Variants in RARB observed in about 807,000 individuals in gnomAD.
The protein encoded by RARB is HBV-activated protein.
A neutral mutation model predicts 51.9 loss-of-function variants in RARB; 17 were observed. That is an observed-to-expected ratio of 0.33 (90% confidence interval 0.22 to 0.49). The LOEUF is 0.49. Among genes scored for constraint, RARB ranks in the 20% least tolerant of loss-of-function variants. The pLI is 0.99. For synonymous variants in RARB, 215 were observed against 195.4 expected, an observed-to-expected ratio of 1.10 and a Z score of -0.84; for missense variants, 369 against 550.8, an observed-to-expected ratio of 0.67 and a Z score of 3.30.
intron 2 of RARB, among the ~76,000 whole-genome samples, chr3:25,056,903 CTG>C (rs749761785): frequency 2.4e-4 from 37 of 152,134 alleles, no homozygotes; most frequent in Middle Eastern, 3.4e-3. Flanking sequence ...TCGCTAAAGT[CTG>C]TGTAAATTGA....
At chr3:25,297,651 G>A (rs1404599598) in intron 5 of RARB, among the ~76,000 whole-genome samples, 7 of 151,936 alleles carry the variant, frequency 4.6e-5, no homozygotes, top group African/African-American at 7.2e-5. Flanking sequence ...CTTTATCAGC[G>A]TAATTATAGT....
At chr3:24,863,096 A>G (rs150669987) in intron 2 of RARB, among the ~76,000 whole-genome samples, 226 of 152,346 alleles carry the variant, frequency 1.5e-3, no homozygotes, top group African/African-American at 5.1e-3. Context: ...AAGAATAAGG[A>G]AAGAGGAGGC....
At chr3:24,933,987 T>C (rs952498169) in intron 2 of RARB, among the ~76,000 whole-genome samples, 2 of 152,220 alleles carry the variant, frequency 1.3e-5, no homozygotes, top group African/African-American at 4.8e-5. Context: ...TTTAATATCC[T>C]TAGAATCCTT....
chr3:25,056,304 G>A (rs975785776), intron 2 of RARB, among the ~76,000 whole-genome samples: 28 of 152,062 alleles, frequency 1.8e-4, no homozygotes, highest in African/African-American at 6.5e-4. Flanking sequence ...TCAGGGGAGG[G>A]AAAAGCTTCT....
intron 5 of RARB, among the ~76,000 whole-genome samples, chr3:25,277,856 T>C (rs573711910): frequency 6.6e-6 from 1 of 152,304 alleles, no homozygotes; most frequent in African/African-American, 2.4e-5. Context: ...GTCTTGTACC[T>C]CAGAAGACCA....
intron 3 of RARB, among the ~76,000 whole-genome samples, chr3:25,528,563 C>T (rs1698756550): frequency 6.6e-6 from 1 of 151,954 alleles, no homozygotes; most frequent in Admixed American, 6.5e-5. Flanking sequence ...GACTCCCCTC[C>T]TGCCATGTGA....
At chr3:25,544,376 C>T (rs565461810) in intron 3 of RARB, among the ~76,000 whole-genome samples, 1 of 152,194 alleles carries the variant, frequency 6.6e-6, no homozygotes, top group African/African-American at 2.4e-5. Context: ...TGTAAAATTT[C>T]AAAACAAAGA....
At chr3:25,501,354 G>T in intron 3 of RARB, 31 bp downstream of exon 3, 1 of 1,603,008 alleles carries the variant, frequency 6.2e-7, no homozygotes, top group African/African-American at 1.3e-5. Context: ...CTTTTTCCCT[G>T]TTTTCCTTAT....
chr3:25,199,034 G>A (rs900367992), intron 5 of RARB, among the ~76,000 whole-genome samples: 1 of 152,070 alleles, frequency 6.6e-6, no homozygotes, highest in African/African-American at 2.4e-5. Flanking sequence ...AAGATTTGGT[G>A]GCGACCTAAG....
chr3:25,301,446 T>G (rs1193311853), intron 5 of RARB, among the ~76,000 whole-genome samples: 1 of 94,434 alleles, frequency 1.1e-5, no homozygotes, highest in Admixed American at 9.8e-5. Flanking sequence ...GCTGGTGATA[T>G]AACCATGGCT....
At chr3:25,508,030 A>G (rs1410068198) in intron 3 of RARB, among the ~76,000 whole-genome samples, 1 of 152,188 alleles carries the variant, frequency 6.6e-6, no homozygotes, top group Admixed American at 6.5e-5. Flanking sequence ...CTTTGAGGTT[A>G]TGTTTATGTG....
intron 2 of RARB, among the ~76,000 whole-genome samples, chr3:24,956,098 G>T (rs1184150979): frequency 6.6e-6 from 1 of 152,126 alleles, no homozygotes; most frequent in East Asian, 1.9e-4. Context: ...AGAAAGATGA[G>T]AGAGAAACCT....
At chr3:25,144,832 C>A (rs1025295485) in intron 4 of RARB, among the ~76,000 whole-genome samples, 1 of 152,212 alleles carries the variant, frequency 6.6e-6, no homozygotes, top group East Asian at 1.9e-4. Context: ...ATGAACAATA[C>A]ATTCTTCAAT....
chr3:25,191,931 C>T (rs1279149341), intron 5 of RARB, among the ~76,000 whole-genome samples: 2 of 151,946 alleles, frequency 1.3e-5, no homozygotes, highest in Admixed American at 6.6e-5. Flanking sequence ...GCAGACGAGG[C>T]GGGGGTGTGG....
intron 2 of RARB, among the ~76,000 whole-genome samples, chr3:25,013,691 A>G (rs1347633893): frequency 6.6e-6 from 1 of 152,084 alleles, no homozygotes; most frequent in Non-Finnish European, 1.5e-5. Flanking sequence ...TAGCTTTGTT[A>G]AGTGGTACTG....
chr3:25,202,774 G>A (rs1390494991), intron 5 of RARB, among the ~76,000 whole-genome samples: 4 of 152,138 alleles, frequency 2.6e-5, no homozygotes, highest in African/African-American at 9.7e-5. Context: ...CTGAGTTCTA[G>A]TTTGATTGCA....
intron 5 of RARB, among the ~76,000 whole-genome samples, chr3:25,281,404 CT>C (rs747131457): frequency 4.2e-4 from 64 of 152,330 alleles, no homozygotes; most frequent in Non-Finnish European, 8.8e-4. Flanking sequence ...TATGACTTCA[CT>C]TTGGCTGGGG....
At chr3:25,376,240 T>C (rs537425026) in intron 5 of RARB, among the ~76,000 whole-genome samples, 1 of 152,298 alleles carries the variant, frequency 6.6e-6, no homozygotes, top group African/African-American at 2.4e-5. Context: ...CACCATGCTC[T>C]TACCTACCTG....
At chr3:25,548,873 A>T (rs2125665017) in intron 3 of RARB, among the ~76,000 whole-genome samples, 1 of 152,128 alleles carries the variant, frequency 6.6e-6, no homozygotes, top group South Asian at 2.1e-4. Context: ...GACATTATAG[A>T]TGTTTTAGGG....
Sources: allele counts gnomAD v4.1 joint callset (sites outside exome capture counted in the v4.1 genomes callset), GRCh38; gene constraint gnomAD v4.1.1; transcripts MANE v1.5; gene names NCBI Gene and HGNC (gene_info 2026-07-23, HGNC 2026-07-21).